The following CLCNKB variants were observed in gnomAD, a reference collection of about 807,000 sequenced individuals.
The protein encoded by CLCNKB is chloride channel protein ClC-Kb.
Under a neutral mutation model 83.8 loss-of-function variants are expected in CLCNKB, and 74 were observed. The ratio of observed to expected loss-of-function variants is 0.88; its 90% CI spans 0.73 to 1.07. The LOEUF is 1.07. Among genes scored for constraint, CLCNKB ranks in the 50% least tolerant of loss-of-function variants. CLCNKB has a pLI of 0.00. For synonymous variants in CLCNKB, 358 were observed against 356.6 expected (o/e 1.00, Z -0.04); for missense variants, 798 against 893.6 (o/e 0.89, Z 1.36).
intron 3 of CLCNKB, 35 bp downstream of exon 3, chr1:16,045,721 AGG>A: frequency 6.9e-7 from 1 of 1,455,016 alleles, no homozygotes; most frequent in South Asian, 1.1e-5. Flanking sequence ...CTCTGGGCCA[AGG>A]GATTCTGAGC....
Position 16,049,471 on chromosome 1 carries a change from G to A in CLCNKB, c.782-147G>A, listed in dbSNP as rs13306246. The A allele has an allele frequency of 0.1, 155,730 of 1,523,822 alleles. 9,101 individuals are homozygous for A. The highest frequency in any genetic ancestry group is 0.17 in the African/African-American group (12,445 of 72,402). 94.4% of individuals were successfully genotyped at this position (1,523,822 alleles called of 1,614,324 possible). A position where few individuals can be genotyped will look rare whatever the true frequency, so the allele number is the denominator to read the frequency against. On this transcript the variant is annotated intron_variant, in intron 8 of 19. Transcript: ENST00000375679. ...AGGGATGAGGCTGGGCAGGGAGGCA[G>A]GAGCCTGGTTGTGGGGGCCTGGAAT... is the stretch of plus-strand genomic sequence containing the variant.
chr1:16,048,764 T>G (rs1183897480), intron 7 of CLCNKB, 182 bp downstream of exon 7: 1 of 1,471,544 alleles, frequency 6.8e-7, no homozygotes, highest in African/African-American at 1.4e-5. Flanking sequence ...GTGACTTGAT[T>G]GGCGGTGCTA....
chr1:16,048,695 C>G, intron 7 of CLCNKB, 113 bp downstream of exon 7: 4 of 1,537,644 alleles, frequency 2.6e-6, no homozygotes, highest in Non-Finnish European at 3.5e-6. Context: ...CATTCTAGTT[C>G]TCACTTCAGC....
intron 16 of CLCNKB, 87 bp from the exon 17 acceptor site, chr1:16,055,348 C>A: frequency 9.5e-7 from 1 of 1,055,070 alleles, no homozygotes; most frequent in Non-Finnish European, 1.5e-6. Flanking sequence ...AACACCAGAA[C>A]AGTTCTTGGC....
At chr1:16,055,382 A>T in intron 16 of CLCNKB, 53 bp from the exon 17 acceptor site, 1 of 1,418,632 alleles carries the variant, frequency 7.0e-7, no homozygotes, top group Non-Finnish European at 1.0e-6. Flanking sequence ...AGTAAATGTG[A>T]GTCCCTGTTT....
chr1:16,050,501 AC>A lies in CLCNKB; in HGVS notation c.969-12del. The A allele has an allele frequency of 6.2e-7, 1 of 1,613,220 alleles. No homozygotes were observed. Among genetic ancestry groups the A allele is most frequent in the Non-Finnish European group, 8.5e-7 (1 of 1,179,574 alleles). Reference sequence around the variant, plus strand: ...AAAGGGAGGGCCAGCCCTAGAGCCCACCCATCCCCCACAGCAAGCCTGTGTA... The same window carrying A: ...AAAGGGAGGGCCAGCCCTAGAGCCCACCATCCCCCACAGCAAGCCTGTGTA... On this transcript the variant is annotated splice_polypyrimidine_tract_variant and intron_variant, in intron 10 of 19. Coordinates refer to ENST00000375679, the MANE Select transcript of CLCNKB (RefSeq NM_000085.5).
intron 18 of CLCNKB, 102 bp from the exon 19 acceptor site, chr1:16,056,320 C>T: frequency 1.7e-6 from 2 of 1,181,230 alleles, no homozygotes; most frequent in South Asian, 2.5e-5. Context: ...CCACACACAT[C>T]AGGCCCCGCC....
chr1:16,053,048 T>C (rs1215026214), intron 15 of CLCNKB, among the ~76,000 whole-genome samples: 4 of 151,888 alleles, frequency 2.6e-5, no homozygotes, highest in Non-Finnish European at 4.4e-5. Flanking sequence ...TTTTTTTTTT[T>C]GAGATGGAAT....
chr1:16,047,885 C>T lies in CLCNKB; in HGVS notation c.359-20C>T. The T allele has an allele frequency of 5.0e-6, 8 of 1,612,912 alleles. No homozygotes were observed. Among genetic ancestry groups the T allele is most frequent in the Non-Finnish European group, 6.8e-6 (8 of 1,179,812 alleles). On this transcript the variant is annotated intron_variant, in intron 4 of 19. Coordinates refer to ENST00000375679, the MANE Select transcript of CLCNKB (RefSeq NM_000085.5). ...AACCTAGAGATTGTCCCCCTCCTGG[C>T]CCTGCCCACCCCCGCCAAGGTTCTG...
At chr1:16,056,207 GAT>G (rs2023433593) in intron 18 of CLCNKB, among the ~76,000 whole-genome samples, 1 of 152,110 alleles carries the variant, frequency 6.6e-6, no homozygotes, top group Non-Finnish European at 1.5e-5. Flanking sequence ...GAGGGTGCTG[GAT>G]ATTAGGTCCT....
Position 16,044,513 on chromosome 1 carries a change from G to C in CLCNKB, c.21G>C (p.Leu7=). 6.2e-7 allele frequency: 1 copy of C among 1,605,134 alleles called. No individual in the cohort carries two copies. The highest frequency in any genetic ancestry group is 2.2e-5 in the East Asian group (1 of 44,562). Residue 7 remains leucine, a synonymous_variant, in exon 2 of 20, where the codon CTG becomes CTC. Transcript: ENST00000375679. MEEFVG[L]REGSSGNPVT... ...GCCTGATGGAGGAGTTTGTGGGGCTGCGTGAAGGCTCCTCAGGGAACCCTG... is the reference window on the plus strand; with the variant it reads ...GCCTGATGGAGGAGTTTGTGGGGCTCCGTGAAGGCTCCTCAGGGAACCCTG...
rs367552783 is a variant in CLCNKB at position 16,045,590 on chromosome 1, C to T, written c.133C>T (p.Arg45Cys). 8.7e-5 allele frequency: 141 copies of T among 1,613,840 alleles called. No homozygotes were observed. The highest frequency in any genetic ancestry group is 1.1e-4 in the Non-Finnish European group (130 of 1,179,850). The change falls in exon 3 of 20, where the codon CGC becomes TGC. Residue 45 changes from arginine to cysteine, a missense_variant. Physicochemically the swap from Arg to Cys is radical, Grantham distance 180. Transcript: ENST00000375679. The stretch of plus-strand genomic sequence containing the variant: ...GGAGTGGCTGAAGCAGAAGCTCTTC[C>T]GCCTGGGCGAGGACTGGTACTTCCT... ...GLEWLKQKLF[R>C]LGEDWYFLMT...
At position 16,050,552 on chromosome 1, in the gene CLCNKB, C is replaced by T. The variant is rs1175327320; in HGVS notation, c.1005C>T (p.Leu335=). Residue 335 remains leucine, a synonymous_variant, in exon 11 of 20, where the codon CTC becomes CTT. Transcript: ENST00000375679. ...PVYSALATLV[L]ASITYPPSAG... is the part of the protein sequence containing the mutation. The stretch of plus-strand genomic sequence containing the variant: ...ACTCCGCTCTGGCCACCTTGGTTCT[C>T]GCCTCCATCACCTACCCACCCAGCG... 47 of 1,614,130 alleles carry T rather than the reference C, an allele frequency of 2.9e-5. No homozygotes were observed. Among genetic ancestry groups the T allele is most frequent in the Non-Finnish European group, 3.6e-5 (42 of 1,180,016 alleles).
intron 15 of CLCNKB, among the ~76,000 whole-genome samples, 187 bp from the exon 16 acceptor site, chr1:16,053,452 G>A (rs767927354): frequency 3.9e-5 from 6 of 152,170 alleles, no homozygotes; most frequent in Admixed American, 2.0e-4. Context: ...GGTCATCGGC[G>A]ATGTGGTCCC....
chr1:16,049,057 G>C (rs555815017), intron 7 of CLCNKB, 63 bp from the exon 8 acceptor site: 3 of 1,613,096 alleles, frequency 1.9e-6, no homozygotes, highest in African/African-American at 2.7e-5. Flanking sequence ...ACATGGGGAG[G>C]GGGTCCTACA....
At chr1:16,051,681 G>C (rs745903290) in intron 13 of CLCNKB, 29 bp from the exon 14 acceptor site, 1 of 1,609,136 alleles carries the variant, frequency 6.2e-7, no homozygotes, top group African/African-American at 1.3e-5. Flanking sequence ...GGTCAGCCTG[G>C]CTCCCCCTCA....
At position 16,052,205 on chromosome 1, in the gene CLCNKB, A is replaced by G; in HGVS notation, c.1416A>G (p.Ala472=). 1 of 1,613,010 alleles carries G rather than the reference A, an allele frequency of 6.2e-7. No homozygotes were observed. Among genetic ancestry groups the G allele is most frequent in the Non-Finnish European group, 8.5e-7 (1 of 1,179,950 alleles). Residue 472 remains alanine (A), a synonymous_variant, in exon 15 of 20, where the codon GCA becomes GCG. Coordinates refer to ENST00000375679, the MANE Select transcript of CLCNKB (RefSeq NM_000085.5). ...MPGGYALAGA[A]AFSGAVTHTI... ...CTGACTCTGCCCTTGCAGGGGCTGC[A>G]GCCTTCTCAGGGGCTGTGACCCACA...
At chr1:16,049,389 G>T in intron 8 of CLCNKB, 144 bp downstream of exon 8, 1 of 1,523,552 alleles carries the variant, frequency 6.6e-7, no homozygotes, top group South Asian at 1.3e-5. Flanking sequence ...CTCCTTCTGG[G>T]AGGATGGAGG....
intron 3 of CLCNKB, 100 bp downstream of exon 3, chr1:16,045,786 G>GC (rs1458342925): frequency 8.6e-7 from 1 of 1,156,702 alleles, no homozygotes; most frequent in Admixed American, 2.1e-5. Context: ...GGTTGGGGGG[G>GC]GTGCTCTGGG....
Sources: allele counts gnomAD v4.1 joint callset (sites outside exome capture counted in the v4.1 genomes callset), GRCh38; gene constraint gnomAD v4.1.1; transcripts MANE v1.5; gene names NCBI Gene and HGNC (gene_info 2026-07-23, HGNC 2026-07-21).